The following GRM8 variants were observed in gnomAD, a reference collection of about 807,000 sequenced individuals.
GRM8 encodes glutamate metabotropic receptor 8, also known as metabotropic glutamate receptor 8.
In GRM8, 47 loss-of-function variants were observed where a neutral mutation model predicts 87.2. The ratio of observed to expected loss-of-function variants is 0.54; its 90% CI spans 0.43 to 0.69. GRM8 has a LOEUF of 0.69. Among genes scored for constraint, GRM8 ranks in the 30% least tolerant of loss-of-function variants. The pLI is 0.00. For missense variants in GRM8, 1,019 were observed against 1,139.2 expected (o/e 0.89, Z 1.52); for synonymous variants, 396 against 404.5 (o/e 0.98, Z 0.25).
At chr7:127,199,803 G>A (rs1212045438) in intron 2 of GRM8, among the ~76,000 whole-genome samples, 2 of 152,186 alleles carry the variant, frequency 1.3e-5, no homozygotes, top group Non-Finnish European at 2.9e-5. Context: ...CACGATGATG[G>A]CAGTGCCTAT....
At chr7:126,592,297 T>C (rs1796746534) in intron 8 of GRM8, among the ~76,000 whole-genome samples, 1 of 151,748 alleles carries the variant, frequency 6.6e-6, no homozygotes, top group African/African-American at 2.4e-5. Context: ...ATCACCCTGA[T>C]ACCAAAGCCA....
At chr7:126,470,257 G>A (rs970627730) in intron 9 of GRM8, among the ~76,000 whole-genome samples, 5 of 151,400 alleles carry the variant, frequency 3.3e-5, no homozygotes, top group Non-Finnish European at 5.9e-5. Flanking sequence ...AGTTACATAC[G>A]TATACATGTG....
chr7:126,739,108 A>C (rs1307104242), intron 7 of GRM8, among the ~76,000 whole-genome samples: 2 of 151,966 alleles, frequency 1.3e-5, no homozygotes, highest in African/African-American at 4.8e-5. Flanking sequence ...GCAGTTTTCC[A>C]AACAGTTTAT....
intron 9 of GRM8, among the ~76,000 whole-genome samples, chr7:126,449,340 C>A (rs1047640858): frequency 5.3e-5 from 8 of 149,618 alleles, no homozygotes; most frequent in Non-Finnish European, 1.0e-4. Flanking sequence ...TTATCTATGT[C>A]ACAGGGTGGG....
chr7:127,240,410 G>A (rs10250895), intron 2 of GRM8, among the ~76,000 whole-genome samples: 42,666 of 138,178 alleles, frequency 0.31, 6,833 homozygotes, highest in African/African-American at 0.42. Context: ...TTTGCAGATT[G>A]GCTGATTCTA....
At chr7:127,147,770 T>C (rs1828632570) in intron 2 of GRM8, among the ~76,000 whole-genome samples, 1 of 72,980 alleles carries the variant, frequency 1.4e-5, no homozygotes, top group Non-Finnish European at 2.8e-5. Flanking sequence ...GTCAAGACTT[T>C]ACCATGTTTT....
intron 7 of GRM8, among the ~76,000 whole-genome samples, chr7:126,612,732 C>T (rs1393156513): frequency 6.6e-6 from 1 of 152,182 alleles, no homozygotes; most frequent in East Asian, 1.9e-4. Flanking sequence ...GCAGCAAAGA[C>T]AGTGTTCAGT....
Position 127,244,854 on chromosome 7 carries a change from A to C in GRM8, c.-311-1339T>G, listed in dbSNP as rs190448343. ...AGGGCTCATAGCAGCCCACTGCCCC[A>C]TATTTCTGAGCAAACACCTGGCAGC... On this transcript the variant is annotated intron_variant, in intron 1 of 10. Coordinates refer to ENST00000339582, the MANE Select transcript of GRM8 (RefSeq NM_000845.3). Among the ~76,000 whole-genome samples the C allele has an allele frequency of 1.7e-3, 252 of 152,280 alleles. 1 individual carries two copies. The highest frequency in any genetic ancestry group is 6.8e-3 in the Middle Eastern group (2 of 294).
intron 2 of GRM8, among the ~76,000 whole-genome samples, chr7:127,222,299 T>C (rs1432343091): frequency 1.3e-5 from 2 of 152,260 alleles, no homozygotes; most frequent in Non-Finnish European, 2.9e-5. Flanking sequence ...CCCCAACTAT[T>C]CAGGAGGCTG....
chr7:127,082,573 G>A (rs537713725), intron 3 of GRM8, among the ~76,000 whole-genome samples: 1 of 152,218 alleles, frequency 6.6e-6, no homozygotes, highest in Admixed American at 6.5e-5. Context: ...AAGCTAAGAG[G>A]CTAATGGAAG....
intron 7 of GRM8, among the ~76,000 whole-genome samples, chr7:126,646,542 A>G (rs1015263934): frequency 1.2e-4 from 18 of 152,292 alleles, no homozygotes; most frequent in African/African-American, 4.1e-4. Flanking sequence ...CATGTTGCCA[A>G]ACCAGGAGAG....
chr7:126,994,270 A>C (rs893263801), intron 3 of GRM8, among the ~76,000 whole-genome samples: 2 of 152,180 alleles, frequency 1.3e-5, no homozygotes, highest in African/African-American at 4.8e-5. Flanking sequence ...AAGGGAATGA[A>C]CAAGTACTGG....
chr7:126,504,727 T>C (rs1227316455), intron 9 of GRM8, among the ~76,000 whole-genome samples: 1 of 152,056 alleles, frequency 6.6e-6, no homozygotes, highest in Non-Finnish European at 1.5e-5. Context: ...AAATCACATA[T>C]GCTGGTGATA....
At chr7:126,992,998 A>AT (rs1233839689) in intron 3 of GRM8, among the ~76,000 whole-genome samples, 1 of 152,138 alleles carries the variant, frequency 6.6e-6, no homozygotes, top group Non-Finnish European at 1.5e-5. Context: ...AATTTCTATT[A>AT]TTTCAGCTAC....
intron 9 of GRM8, among the ~76,000 whole-genome samples, chr7:126,521,215 T>C (rs949713135): frequency 6.6e-6 from 1 of 152,158 alleles, no homozygotes; most frequent in African/African-American, 2.4e-5. Flanking sequence ...AGTCTTAGTG[T>C]ATATTCAAAA....
rs189905129 is a variant in GRM8 at position 127,197,517 on chromosome 7, A to C, written c.510+45178T>G. 4.3e-4 allele frequency among the ~76,000 whole-genome samples: 66 copies of C among 152,010 alleles called. No homozygotes were observed. In the East Asian group the frequency reaches 0.011, roughly 26 times the overall value. Reference sequence around the variant, plus strand: ...CACAACTCAAAATTCATTGATTCGTATGTATATTTTGTTTTGTTTTGTTGT... The same window carrying C: ...CACAACTCAAAATTCATTGATTCGTCTGTATATTTTGTTTTGTTTTGTTGT... On this transcript the variant is annotated intron_variant, in intron 2 of 10. Transcript: ENST00000339582.
At chr7:127,116,948 A>G (rs895254852) in intron 2 of GRM8, among the ~76,000 whole-genome samples, 2 of 152,224 alleles carry the variant, frequency 1.3e-5, no homozygotes, top group African/African-American at 4.8e-5. Context: ...GACTTGCATT[A>G]CATTCTCACA....
intron 6 of GRM8, among the ~76,000 whole-genome samples, chr7:126,773,467 A>C (rs910297743): frequency 5.3e-5 from 8 of 152,278 alleles, no homozygotes; most frequent in African/African-American, 1.9e-4. Context: ...AATGTTTTAT[A>C]GTTTCAAACT....
intron 2 of GRM8, among the ~76,000 whole-genome samples, chr7:127,177,608 C>T (rs1333499702): frequency 6.6e-6 from 1 of 152,184 alleles, no homozygotes; most frequent in East Asian, 1.9e-4. Flanking sequence ...AACACCCCTG[C>T]CACCTCCACC....
Sources: gnomAD v4.1 joint callset for allele counts (sites outside exome capture counted in the v4.1 genomes callset) on GRCh38, gnomAD v4.1.1 for gene constraint, MANE v1.5 for transcripts, NCBI Gene and HGNC (gene_info 2026-07-23, HGNC 2026-07-21) for gene names.